FBXL17: variants seen among roughly 807,000 people sequenced by gnomAD.
FBXL17 encodes the protein F-box and leucine rich repeat protein 17.
In FBXL17, 22 loss-of-function variants were observed where a neutral mutation model predicts 66.2. The ratio of observed to expected loss-of-function variants is 0.33; its 90% confidence interval spans 0.24 to 0.47. The LOEUF is 0.47. FBXL17 is among the 20% of genes least tolerant of loss of function. The pLI is 1.00. For synonymous variants in FBXL17, 474 were observed against 400.5 expected (o/e 1.18, Z -2.19); for missense variants, 878 against 948.2 (o/e 0.93, Z 0.97).
chr5:107,955,281 T>C (rs868364749), intron 7 of FBXL17, among the ~76,000 whole-genome samples: 21 of 152,178 alleles, frequency 1.4e-4, no homozygotes, highest in Middle Eastern at 3.4e-3. Flanking sequence ...CTCACCTAAA[T>C]AGCTCTTAGT....
chr5:108,357,541 A>G (rs1357341063), intron 3 of FBXL17, among the ~76,000 whole-genome samples: 2 of 152,062 alleles, frequency 1.3e-5, no homozygotes, highest in Admixed American at 1.3e-4. Flanking sequence ...ATTCTTCTCT[A>G]ACGCACATGG....
intron 7 of FBXL17, among the ~76,000 whole-genome samples, chr5:107,939,938 C>T (rs1458788119): frequency 6.6e-6 from 1 of 152,106 alleles, no homozygotes; most frequent in Non-Finnish European, 1.5e-5. Flanking sequence ...ATAATTCTTA[C>T]AGTTCCATCC....
At chr5:108,321,873 T>C (rs1759635600) in intron 4 of FBXL17, among the ~76,000 whole-genome samples, 1 of 151,912 alleles carries the variant, frequency 6.6e-6, no homozygotes, top group South Asian at 2.1e-4. Flanking sequence ...AAGAAAAAGA[T>C]TAGCAACTCA....
chr5:108,127,212 T>C (rs1296836072), intron 6 of FBXL17, among the ~76,000 whole-genome samples: 1 of 152,214 alleles, frequency 6.6e-6, no homozygotes, highest in Non-Finnish European at 1.5e-5. Flanking sequence ...TATGTCTTTG[T>C]AGAAGTGCTT....
At chr5:107,968,408 T>C (rs1486793305) in intron 7 of FBXL17, among the ~76,000 whole-genome samples, 3 of 152,276 alleles carry the variant, frequency 2.0e-5, no homozygotes, top group Middle Eastern at 3.4e-3. Context: ...TCTAGTACAC[T>C]GATCATGGTG....
chr5:108,025,095 G>A (rs1366526046), intron 6 of FBXL17, among the ~76,000 whole-genome samples: 1 of 152,122 alleles, frequency 6.6e-6, no homozygotes, highest in Non-Finnish European at 1.5e-5. Flanking sequence ...TGGCATTAGT[G>A]ACAATTGAAA....
At chr5:108,333,039 T>C (rs549371807) in intron 4 of FBXL17, among the ~76,000 whole-genome samples, 1 of 131,594 alleles carries the variant, frequency 7.6e-6, no homozygotes, top group African/African-American at 3.7e-5. Context: ...AAAATAGATA[T>C]AAAATCTTAT....
At chr5:108,145,071 T>A (rs962892070) in intron 6 of FBXL17, among the ~76,000 whole-genome samples, 2 of 152,138 alleles carry the variant, frequency 1.3e-5, no homozygotes, top group Admixed American at 6.5e-5. Context: ...TGCTTCACTA[T>A]CAGTTTCACA....
At chr5:108,036,122 G>C (rs1386265738) in intron 6 of FBXL17, among the ~76,000 whole-genome samples, 1 of 152,128 alleles carries the variant, frequency 6.6e-6, no homozygotes, top group African/African-American at 2.4e-5. Flanking sequence ...CTGTTTTATG[G>C]ATTGAGATGA....
rs1240402269 is a variant in FBXL17 at position 108,186,259 on chromosome 5, A to T, written c.1615-12T>A. 7 of 1,603,408 alleles carry T rather than the reference A, an allele frequency of 4.4e-6. No homozygotes were observed. In the South Asian group the frequency reaches 7.9e-5, roughly 18 times the overall value. On this transcript the variant is annotated splice_polypyrimidine_tract_variant and intron_variant, in intron 5 of 8. Coordinates refer to ENST00000542267, the MANE Select transcript of FBXL17 (RefSeq NM_001163315.3). ...GAAAGGTTTCTTAGCTAATGAGATA[A>T]ATAAAATGAAAGATGAAAAAGGTAA...
At chr5:108,181,567 A>G (rs1753004884) in intron 6 of FBXL17, among the ~76,000 whole-genome samples, 1 of 152,214 alleles carries the variant, frequency 6.6e-6, no homozygotes, top group African/African-American at 2.4e-5. Context: ...CATATTTTAC[A>G]ATTTTGAACT....
intron 6 of FBXL17, among the ~76,000 whole-genome samples, chr5:108,023,782 T>A (rs540287326): frequency 6.6e-6 from 1 of 152,090 alleles, no homozygotes; most frequent in South Asian, 2.1e-4. Flanking sequence ...AACAAAGTCA[T>A]AAATCTTAGT....
At chr5:108,165,279 A>C (rs1021295917) in intron 6 of FBXL17, among the ~76,000 whole-genome samples, 14 of 152,208 alleles carry the variant, frequency 9.2e-5, no homozygotes, top group Non-Finnish European at 1.6e-4. Flanking sequence ...AGACAGTGTA[A>C]TTACAGAAGG....
At chr5:108,380,517 C>G (rs1749771461) in intron 1 of FBXL17, among the ~76,000 whole-genome samples, 182 bp downstream of exon 1, 1 of 152,128 alleles carries the variant, frequency 6.6e-6, no homozygotes, top group African/African-American at 2.4e-5. Flanking sequence ...CCAAGTGCTC[C>G]TACTTCAAAA....
intron 5 of FBXL17, among the ~76,000 whole-genome samples, chr5:108,213,525 C>G (rs1267213937): frequency 6.6e-6 from 1 of 152,158 alleles, no homozygotes; most frequent in East Asian, 1.9e-4. Flanking sequence ...CTCATGGCTT[C>G]CGCTGGGTAG....
At chr5:108,371,340 T>C (rs1157664197) in intron 1 of FBXL17, among the ~76,000 whole-genome samples, 2 of 152,202 alleles carry the variant, frequency 1.3e-5, no homozygotes, top group Admixed American at 1.3e-4. Flanking sequence ...GCCCCAGTCA[T>C]GCAAAACTAC....
At chr5:107,995,992 TC>T (rs1753456339) in intron 7 of FBXL17, among the ~76,000 whole-genome samples, 1 of 152,212 alleles carries the variant, frequency 6.6e-6, no homozygotes, top group Non-Finnish European at 1.5e-5. Flanking sequence ...CTATTCTTTT[TC>T]TTTTCTTAAA....
intron 6 of FBXL17, among the ~76,000 whole-genome samples, chr5:108,032,736 T>C (rs1168894175): frequency 1.3e-5 from 2 of 152,214 alleles, no homozygotes; most frequent in Non-Finnish European, 2.9e-5. Flanking sequence ...TTTGGACTTC[T>C]GTCCTTCACT....
At chr5:107,900,901 T>G (rs1749552520) in intron 7 of FBXL17, among the ~76,000 whole-genome samples, 2 of 152,146 alleles carry the variant, frequency 1.3e-5, no homozygotes, top group Non-Finnish European at 2.9e-5. Context: ...ATGCTAAATA[T>G]AGTAAGCCTC....
Sources: gnomAD v4.1 joint callset for allele counts (sites outside exome capture counted in the v4.1 genomes callset) on GRCh38, gnomAD v4.1.1 for gene constraint, MANE v1.5 for transcripts, NCBI Gene and HGNC (gene_info 2026-07-23, HGNC 2026-07-21) for gene names.